PIK3C3: variants seen among roughly 807,000 people sequenced by gnomAD.
The protein encoded by PIK3C3 is PI3-kinase type 3.
Under a neutral mutation model 126.1 loss-of-function variants are expected in PIK3C3, and 95 were observed. The ratio of observed to expected loss-of-function variants is 0.75; its 90% CI spans 0.64 to 0.89. PIK3C3 has a LOEUF of 0.89. PIK3C3 is among the 40% of genes least tolerant of loss of function. PIK3C3 has a pLI of 0.00. For synonymous variants in PIK3C3, 374 were observed against 360.0 expected (o/e 1.04, Z -0.44); for missense variants, 829 against 1,063.2 (o/e 0.78, Z 3.06).
At chr18:42,004,984 C>T (rs1278127216) in intron 10 of PIK3C3, among the ~76,000 whole-genome samples, 1 of 152,188 alleles carries the variant, frequency 6.6e-6, no homozygotes, top group Non-Finnish European at 1.5e-5. Flanking sequence ...TCATCTTCCT[C>T]TCCTTCAAAC....
rs561711705 is a variant in PIK3C3, at chr18:42,063,525, G to A, written c.2433-1215G>A. Among the ~76,000 whole-genome samples, 41 of 152,290 alleles carry A rather than the reference G, an allele frequency of 2.7e-4. No individual in the cohort carries two copies. In the South Asian group the frequency reaches 6.6e-3, roughly 25 times the overall value. On this transcript the variant is annotated intron_variant, in intron 22 of 24. Coordinates refer to ENST00000262039, the MANE Select transcript of PIK3C3 (RefSeq NM_002647.4). Reference sequence around the variant, plus strand: ...TAACTTTTTGTTCCTAAGAGTTTAAGTGGGTTAGGGCCTGATTTGATTAGA... The same window carrying A: ...TAACTTTTTGTTCCTAAGAGTTTAAATGGGTTAGGGCCTGATTTGATTAGA...
intron 22 of PIK3C3, among the ~76,000 whole-genome samples, chr18:42,059,481 A>G (rs549872893): frequency 6.6e-6 from 1 of 152,308 alleles, no homozygotes; most frequent in South Asian, 2.1e-4. Context: ...GGCGGACAAG[A>G]TGGTAAGGAA....
At chr18:42,054,898 G>A (rs1337774100) in intron 21 of PIK3C3, among the ~76,000 whole-genome samples, 1 of 150,428 alleles carries the variant, frequency 6.6e-6, no homozygotes, top group African/African-American at 2.4e-5. Flanking sequence ...TTCTTTGCTT[G>A]TTTGTTTTAC....
intron 15 of PIK3C3, among the ~76,000 whole-genome samples, chr18:42,029,743 A>G (rs1205118035): frequency 6.6e-6 from 1 of 151,606 alleles, no homozygotes; most frequent in Admixed American, 6.6e-5. Flanking sequence ...AGGTTTCACC[A>G]TGTTGGTCAG....
intron 10 of PIK3C3, among the ~76,000 whole-genome samples, chr18:42,007,166 C>A (rs1410015287): frequency 1.3e-5 from 2 of 152,150 alleles, no homozygotes; most frequent in African/African-American, 4.8e-5. Context: ...CCACACCCGG[C>A]CTTAAAAATC....
Position 41,962,474 on chromosome 18 carries a change from A to G in PIK3C3, c.258-15A>G, listed in dbSNP as rs780773318. Reference sequence around the variant, plus strand: ...ATATATGTATTTCTGATTTATGTTAACTTCATTTCCATAGCTGGAATGAAT... The same window carrying G: ...ATATATGTATTTCTGATTTATGTTAGCTTCATTTCCATAGCTGGAATGAAT... On this transcript the variant is annotated splice_polypyrimidine_tract_variant and intron_variant, in intron 2 of 24. Coordinates refer to ENST00000262039, the MANE Select transcript of PIK3C3 (RefSeq NM_002647.4). The G allele has an allele frequency of 6.3e-7, 1 of 1,594,402 alleles. No homozygotes were observed. Among genetic ancestry groups the G allele is most frequent in the South Asian group, 1.1e-5 (1 of 88,108 alleles).
chr18:41,976,291 T>G (rs1341217185), intron 4 of PIK3C3, among the ~76,000 whole-genome samples: 1 of 152,126 alleles, frequency 6.6e-6, no homozygotes, highest in East Asian at 1.9e-4. Context: ...CCTGAGATTT[T>G]AGTTTTATGT....
At chr18:42,029,899 T>C (rs1022109660) in intron 15 of PIK3C3, among the ~76,000 whole-genome samples, 2 of 152,080 alleles carry the variant, frequency 1.3e-5, no homozygotes, top group African/African-American at 4.8e-5. Flanking sequence ...TATGAGTTTA[T>C]ATATATATTG....
At chr18:41,980,792 C>CT (rs1342781487) in intron 4 of PIK3C3, among the ~76,000 whole-genome samples, 1 of 152,096 alleles carries the variant, frequency 6.6e-6, no homozygotes, top group Non-Finnish European at 1.5e-5. Flanking sequence ...AAACTTCCGT[C>CT]TTTTAAATGT....
At chr18:42,000,858 C>T (rs1370438195) in intron 9 of PIK3C3, among the ~76,000 whole-genome samples, 1 of 152,152 alleles carries the variant, frequency 6.6e-6, no homozygotes, top group Non-Finnish European at 1.5e-5. Context: ...ATTCAGTTAC[C>T]TCCCACCATG....
At chr18:42,038,114 T>A (rs1209144828) in intron 17 of PIK3C3, among the ~76,000 whole-genome samples, 3 of 152,120 alleles carry the variant, frequency 2.0e-5, no homozygotes, top group Admixed American at 6.5e-5. Flanking sequence ...AAATTTTTTT[T>A]AAATCCTTTT....
chr18:41,956,487 G>GA (rs1304730696), intron 1 of PIK3C3, among the ~76,000 whole-genome samples: 18 of 148,452 alleles, frequency 1.2e-4, no homozygotes, highest in Non-Finnish European at 4.4e-5. Flanking sequence ...TTGGATATAT[G>GA]AATGCATTTT....
chr18:42,064,835 T>G lies in PIK3C3; in HGVS notation c.2523+5T>G, dbSNP rs1428819883. ...CCAGATAAAACTGTGAAAAAGGTAA[T>G]TTTTAAGTAACATAAATGAAGAGCT... On this transcript the variant is annotated splice_donor_5th_base_variant and intron_variant, in intron 23 of 24. Coordinates refer to ENST00000262039, the MANE Select transcript of PIK3C3 (RefSeq NM_002647.4). 3 of 1,461,656 alleles carry G rather than the reference T, an allele frequency of 2.1e-6. No individual in the cohort carries two copies. In the South Asian group the frequency reaches 3.4e-5, roughly 17 times the overall value. The allele number at this position is 1,461,656 out of a possible 1,614,324, so 90.5% of individuals were successfully genotyped here.
intron 24 of PIK3C3, among the ~76,000 whole-genome samples, chr18:42,073,277 C>T (rs1985852793): frequency 6.6e-6 from 1 of 152,162 alleles, no homozygotes; most frequent in African/African-American, 2.4e-5. Context: ...CAGAGAGACA[C>T]CTGATTCTAT....
At chr18:42,043,853 A>G (rs144413269) in intron 20 of PIK3C3, 36 bp downstream of exon 20, 17 of 1,405,652 alleles carry the variant, frequency 1.2e-5, no homozygotes, top group Non-Finnish European at 1.7e-5. Context: ...CATTGATCAG[A>G]TAAAGAAGAG....
intron 9 of PIK3C3, among the ~76,000 whole-genome samples, chr18:41,999,562 A>G (rs1228029915): frequency 1.3e-5 from 2 of 152,194 alleles, no homozygotes; most frequent in Non-Finnish European, 2.9e-5. Context: ...GCAAGTATTC[A>G]TTATCACCTC....
intron 2 of PIK3C3, among the ~76,000 whole-genome samples, chr18:41,960,798 A>G (rs1980041927): frequency 6.6e-6 from 1 of 150,982 alleles, no homozygotes; most frequent in Admixed American, 6.6e-5. Context: ...GCTGGAGTGC[A>G]GTGGCATGAT....
intron 22 of PIK3C3, among the ~76,000 whole-genome samples, chr18:42,061,775 T>C (rs1322877778): frequency 2.0e-5 from 3 of 152,224 alleles, no homozygotes; most frequent in Admixed American, 6.5e-5. Context: ...ATCTAACCTT[T>C]ATATTTATTT....
chr18:42,059,725 A>G (rs996466380), intron 22 of PIK3C3: 1 of 151,752 alleles, frequency 6.6e-6, no homozygotes, highest in Non-Finnish European at 1.5e-5. Context: ...ACTTTTAAAA[A>G]TTTCCCTGTA....
Sources: allele counts gnomAD v4.1 joint callset (sites outside exome capture counted in the v4.1 genomes callset), GRCh38; gene constraint gnomAD v4.1.1; transcripts MANE v1.5; gene names NCBI Gene and HGNC (gene_info 2026-07-23, HGNC 2026-07-21).